Variants in ZKSCAN7 observed in about 807,000 individuals in gnomAD.
ZKSCAN7 encodes the protein zinc finger with KRAB and SCAN domains 7, also known as zinc finger protein with KRAB and SCAN domains 7.
Under a neutral mutation model 65.3 loss-of-function variants are expected in ZKSCAN7, and 38 were observed. The ratio of observed to expected loss-of-function variants is 0.58; its 90% CI spans 0.45 to 0.76. ZKSCAN7 has a LOEUF of 0.76. Among genes scored for constraint, ZKSCAN7 ranks in the 30% least tolerant of loss-of-function variants. ZKSCAN7 has a pLI of 0.00. For missense variants in ZKSCAN7, 815 were observed against 913.3 expected, an observed-to-expected ratio of 0.89 and a Z score of 1.39; for synonymous variants, 321 against 321.0, an observed-to-expected ratio of 1.00 and a Z score of 0.00.
intron 2 of ZKSCAN7, among the ~76,000 whole-genome samples, chr3:44,562,925 G>A (rs558232690): frequency 1.8e-4 from 28 of 151,848 alleles, no homozygotes; most frequent in Admixed American, 5.2e-4. Flanking sequence ...AGCCAAGATC[G>A]CGCCACTGCA....
chr3:44,576,257 C>G (rs183209333), downstream of ZKSCAN7, among the ~76,000 whole-genome samples: 2 of 152,206 alleles, frequency 1.3e-5, no homozygotes, highest in Admixed American at 1.3e-4. Context: ...TGTAATTGAC[C>G]TCTTTTTCCA....
At position 44,578,852 on chromosome 3, in the gene ZKSCAN7, A is replaced by G. The variant is rs1315182897; in HGVS notation, c.812-4120A>G. On this transcript the variant is annotated intron_variant, in intron 5 of 5. Coordinates refer to the ZKSCAN7 transcript ENST00000341840. ...CTGGTGCGTTTCTTCCATTGCTGCAAACCCTCACTTGCACGTGGCCTGCAG... is the reference window on the plus strand; with the variant it reads ...CTGGTGCGTTTCTTCCATTGCTGCAGACCCTCACTTGCACGTGGCCTGCAG... Among the ~76,000 whole-genome samples the G allele has an allele frequency of 2.0e-5, 3 of 152,094 alleles. No individual in the cohort carries two copies. In the East Asian group the frequency reaches 5.8e-4, roughly 29 times the overall value.
intron 5 of ZKSCAN7, among the ~76,000 whole-genome samples, chr3:44,581,186 T>G (rs1007984114): frequency 6.8e-6 from 1 of 146,922 alleles, no homozygotes; most frequent in Non-Finnish European, 1.5e-5. Flanking sequence ...CCGAGGCTCC[T>G]GAGCCGCCCG....
intron 5 of ZKSCAN7, chr3:44,580,999 T>G: frequency 6.2e-7 from 1 of 1,608,722 alleles, no homozygotes; most frequent in Non-Finnish European, 8.5e-7. Flanking sequence ...TGGAATTTCC[T>G]GCACGGGTTC....
At chr3:44,581,316 G>A (rs1016744994) in intron 5 of ZKSCAN7, among the ~76,000 whole-genome samples, 3 of 150,844 alleles carry the variant, frequency 2.0e-5, no homozygotes, top group African/African-American at 4.8e-5. Context: ...CTCAAGCTCC[G>A]GTCGCCGCCG....
Position 44,570,073 on chromosome 3 carries a change from G to C in ZKSCAN7, c.963G>C (p.Glu321Asp). 2 of 1,614,006 alleles carry C rather than the reference G, an allele frequency of 1.2e-6. No individual in the cohort carries two copies. Among genetic ancestry groups the C allele is most frequent in the Non-Finnish European group, 1.7e-6 (2 of 1,179,992 alleles). The change falls in exon 6 of 6, where the codon GAG becomes GAC. Residue 321 changes from glutamate to aspartate, a missense_variant. Transcript: ENST00000426540. The stretch of plus-strand genomic sequence containing the variant: ...ATGTTTGTGAAGATACTTTCAAGGA[G>C]TTAGAAGGACAAACCTCAGATGAAG... Reference protein sequence around the residue: ...TGDVCEDTFKELEGQTSDEEG... With the variant: ...TGDVCEDTFKDLEGQTSDEEG...
At position 44,570,913 on chromosome 3, in the gene ZKSCAN7, T is replaced by C. The variant is rs1442367924; in HGVS notation, c.1803T>C (p.His601=). 1 of 1,614,052 alleles carries C rather than the reference T, an allele frequency of 6.2e-7. No homozygotes were observed. Among genetic ancestry groups the C allele is most frequent in the Admixed American group, 1.7e-5 (1 of 60,022 alleles). ...AACTCATTGAGCATGAGCGAATTCA[T>C]ACTGGAGAAAAACCTTTTGAATGTA... is the stretch of plus-strand genomic sequence containing the variant. ...NSQLIEHERI[H]TGEKPFECSE... Residue 601 remains histidine, a synonymous_variant, in exon 6 of 6, where the codon CAT becomes CAC. Transcript: ENST00000426540.
rs1185984988 is a variant in ZKSCAN7 at position 44,557,275 on chromosome 3, G to C, written c.228G>C (p.Arg76=). ...SGPQEALSRL[R]ELCRWWLMPE... ...CGCAGGAAGCATTGAGCCGGCTTCG[G>C]GAGCTCTGCCGCTGGTGGCTCATGC... Residue 76 remains arginine, a synonymous_variant, in exon 2 of 6, where the codon CGG becomes CGC. Coordinates refer to ENST00000426540, the MANE Select transcript of ZKSCAN7 (RefSeq NM_001288590.2). 6.2e-7 allele frequency: 1 copy of C among 1,614,268 alleles called. No homozygotes were observed.
intron 5 of ZKSCAN7, chr3:44,580,932 T>TG: frequency 6.2e-7 from 1 of 1,612,876 alleles, no homozygotes; most frequent in Non-Finnish European, 8.5e-7. Flanking sequence ...GTTGAGGAGA[T>TG]GCGACTCGCG....
At position 44,581,373 on chromosome 3, in the gene ZKSCAN7, C is replaced by T. The variant is rs530959102; in HGVS notation, c.812-1599C>T. 2.9e-3 allele frequency among the ~76,000 whole-genome samples: 443 copies of T among 152,018 alleles called. 3 individuals carry two copies. The highest frequency in any genetic ancestry group is 9.9e-3 in the African/African-American group (411 of 41,538). On this transcript the variant is annotated intron_variant, in intron 5 of 5. Coordinates refer to the ZKSCAN7 transcript ENST00000341840. ...ACAGCTGCCCTCAGCGCCCCGCGGC[C>T]GCTGCAAATGACCAATTCTTAAGAT... is the stretch of plus-strand genomic sequence containing the variant.
chr3:44,580,423 G>A (rs1383400603), intron 5 of ZKSCAN7: 21 of 1,599,722 alleles, frequency 1.3e-5, no homozygotes, highest in Non-Finnish European at 1.7e-5. Flanking sequence ...ATTTCTTCCT[G>A]CCAGAGTGTG....
At position 44,565,496 on chromosome 3, in the gene ZKSCAN7, C is replaced by G; in HGVS notation, c.433C>G (p.Pro145Ala). The change falls in exon 3 of 6, where the codon CCA becomes GCA. Residue 145 changes from proline to alanine, a missense_variant. Around this residue, in one of 3 missense-constraint regions of ZKSCAN7, gnomAD observed 227 missense variants for 253.3 expected, o/e 0.90. Transcript: ENST00000426540. ...HLSGSEEVSA[P>A]AQKQEMHFEE... ...ATTTCCCTCTCTCTAGGTTTCAGCC[C>G]CAGCACAGAAACAGGAAATGCATTT... is the stretch of plus-strand genomic sequence containing the variant. 6.2e-7 allele frequency: 1 copy of G among 1,607,354 alleles called. No individual in the cohort carries two copies. The highest frequency in any genetic ancestry group is 1.1e-5 in the South Asian group (1 of 89,522).
rs537317372 is a variant in ZKSCAN7, at chr3:44,556,301, A to T, written c.-118-629A>T. Among the ~76,000 whole-genome samples the T allele has an allele frequency of 3.0e-4, 45 of 152,352 alleles. 1 individual carries two copies. The highest frequency in any genetic ancestry group is 1.0e-3 in the African/African-American group (42 of 41,576). ...CTACCAGCACTCTTCCTGATGGGGC[A>T]ATCAGGAAAACCAAGAAAAAGTTGC... On this transcript the variant is annotated intron_variant, in intron 1 of 5. Transcript: ENST00000426540.
chr3:44,576,452 T>TA (rs377167975), downstream of ZKSCAN7, among the ~76,000 whole-genome samples: 365 of 152,310 alleles, frequency 2.4e-3, 2 homozygotes, highest in African/African-American at 8.5e-3. Flanking sequence ...GTTTTTTTTT[T>TA]ACTTTCAGGA....
downstream of ZKSCAN7, among the ~76,000 whole-genome samples, chr3:44,573,260 A>C (rs114922296): frequency 0.068 from 10,418 of 152,186 alleles, 497 homozygotes; most frequent in Middle Eastern, 0.11. Context: ...TCTGTTGTCT[A>C]CCTCCTTCTC....
chr3:44,555,216 T>A lies in ZKSCAN7; in HGVS notation c.-384T>A, dbSNP rs1699253784. 1 of 152,250 alleles carries A rather than the reference T, an allele frequency of 6.6e-6. No individual in the cohort carries two copies. The highest frequency in any genetic ancestry group is 1.5e-5 in the Non-Finnish European group (1 of 68,044). 9.4% of individuals were successfully genotyped at this position (152,250 alleles called of 1,614,324 possible). A position where few individuals can be genotyped will look rare whatever the true frequency, so the allele number is the denominator to read the frequency against. On this transcript the variant is annotated 5_prime_UTR_variant, in exon 1 of 6. Coordinates refer to ENST00000426540, the MANE Select transcript of ZKSCAN7 (RefSeq NM_001288590.2). Reference sequence around the variant, plus strand: ...TCGCTTCCGGCTCGGCCATTGTTTTTGGTCTAACGGGCAGTAGAGTGTCCG... The same window carrying A: ...TCGCTTCCGGCTCGGCCATTGTTTTAGGTCTAACGGGCAGTAGAGTGTCCG...
chr3:44,582,983 A>G (rs1180721907), exon 6 of ZKSCAN7: 1 of 447,546 alleles, frequency 2.2e-6, no homozygotes, highest in East Asian at 7.4e-5. Context: ...CTGGAGTACA[A>G]TGGCGTGATC....
chr3:44,572,686 A>G (rs1699840074), downstream of ZKSCAN7, among the ~76,000 whole-genome samples: 1 of 151,560 alleles, frequency 6.6e-6, no homozygotes, highest in South Asian at 2.1e-4. Flanking sequence ...TGTCTTTACT[A>G]AAAAATACAA....
chr3:44,581,344 C>G (rs7427496), intron 5 of ZKSCAN7, among the ~76,000 whole-genome samples: 1 of 151,518 alleles, frequency 6.6e-6, no homozygotes, highest in Non-Finnish European at 1.5e-5. Context: ...TCGTCCGCGC[C>G]GCCACAGCTG....
Sources: gnomAD v4.1 joint callset for allele counts (sites outside exome capture counted in the v4.1 genomes callset) on GRCh38, gnomAD v4.1.1 for gene constraint, gnomAD v4.1.1 regional missense constraint, MANE v1.5 for transcripts, NCBI Gene and HGNC (gene_info 2026-07-23, HGNC 2026-07-21) for gene names.